The following HS3ST2 variants were observed in gnomAD, a reference collection of about 807,000 sequenced individuals.
HS3ST2 encodes heparan sulfate-glucosamine 3-sulfotransferase 2, also known as heparan sulfate glucosamine 3-O-sulfotransferase 2.
In HS3ST2, 17 loss-of-function variants were observed where a neutral mutation model predicts 26.3. The ratio of observed to expected loss-of-function variants is 0.65; its 90% CI spans 0.44 to 0.97. The LOEUF is 0.97. Ranked by LOEUF, HS3ST2 falls within the 50% of genes least tolerant of loss-of-function variation. HS3ST2 has a pLI of 0.00. For missense variants in HS3ST2, 402 were observed against 501.2 expected (o/e 0.80, Z 1.89); for synonymous variants, 237 against 219.2 (o/e 1.08, Z -0.72).
At chr16:22,884,933 C>T (rs1902040377) in intron 1 of HS3ST2, among the ~76,000 whole-genome samples, 1 of 151,450 alleles carries the variant, frequency 6.6e-6, no homozygotes, top group Admixed American at 6.6e-5. Context: ...CTCCACCTCC[C>T]CAATTCAAGC....
Position 22,814,819 on chromosome 16 carries a change from C to T in HS3ST2, c.209C>T (p.Ser70Phe). ...SAGGQKLLQKSRPCDPSGPTP... is the reference protein window; with the variant it reads ...SAGGQKLLQKFRPCDPSGPTP... ...GGCGGCCAGAAACTTCTCCAGAAGT[C>T]CCGCCCCTGTGATCCCTCCGGGCCG... The change falls in exon 1 of 2, where the codon TCC (serine) becomes TTC (phenylalanine). Residue 70 changes from serine (S) to phenylalanine (F), a missense_variant. Physicochemically the swap from Ser to Phe is radical, Grantham distance 155. Around this residue, in one of 2 missense-constraint regions of HS3ST2, gnomAD observed 165 missense variants for 154.6 expected, o/e 1.07. Transcript: ENST00000261374. 6.3e-7 allele frequency: 1 copy of T among 1,580,120 alleles called. No homozygotes were observed.
chr16:22,887,503 C>T (rs1469888266), intron 1 of HS3ST2, among the ~76,000 whole-genome samples: 1 of 152,206 alleles, frequency 6.6e-6, no homozygotes, highest in Non-Finnish European at 1.5e-5. Context: ...AAGACCTGAC[C>T]TTCACATATC....
chr16:22,841,583 C>A (rs1409511844), intron 1 of HS3ST2, among the ~76,000 whole-genome samples: 2 of 152,228 alleles, frequency 1.3e-5, no homozygotes, highest in East Asian at 3.8e-4. Flanking sequence ...CCTTAGCACA[C>A]TAATTCCTAT....
At chr16:22,899,008 G>A (rs76104618) in intron 1 of HS3ST2, among the ~76,000 whole-genome samples, 14,394 of 152,256 alleles carry the variant, frequency 0.095, 789 homozygotes, top group African/African-American at 0.14. Flanking sequence ...CCACTAGGGG[G>A]CGCTGCTATG....
At chr16:22,819,376 G>T (rs912347234) in intron 1 of HS3ST2, among the ~76,000 whole-genome samples, 10 of 152,068 alleles carry the variant, frequency 6.6e-5, no homozygotes, top group Non-Finnish European at 1.2e-4. Context: ...TCTTTAGGAT[G>T]CTCTCCATTC....
intron 1 of HS3ST2, among the ~76,000 whole-genome samples, chr16:22,904,882 G>T (rs1244680646): frequency 2.0e-5 from 3 of 152,224 alleles, no homozygotes; most frequent in Non-Finnish European, 4.4e-5. Flanking sequence ...GGAAGGAAAT[G>T]GTCCCACGGT....
At chr16:22,908,530 G>T (rs1176742049) in intron 1 of HS3ST2, among the ~76,000 whole-genome samples, 1 of 152,236 alleles carries the variant, frequency 6.6e-6, no homozygotes, top group Non-Finnish European at 1.5e-5. Context: ...AGGTCAAGAG[G>T]CTCCATCTGG....
chr16:22,885,545 T>G (rs1379560246), intron 1 of HS3ST2, among the ~76,000 whole-genome samples: 1 of 151,304 alleles, frequency 6.6e-6, no homozygotes, highest in Non-Finnish European at 1.5e-5. Flanking sequence ...AACCTCCGCC[T>G]CCTGGGTTCA....
chr16:22,913,481 A>G (rs909613460), intron 1 of HS3ST2, among the ~76,000 whole-genome samples: 1 of 152,176 alleles, frequency 6.6e-6, no homozygotes, highest in African/African-American at 2.4e-5. Flanking sequence ...GTTCAAGCCT[A>G]CACAAAGGAT....
intron 1 of HS3ST2, 60 bp from the exon 2 acceptor site, chr16:22,914,884 G>A: frequency 1.3e-6 from 2 of 1,531,628 alleles, no homozygotes; most frequent in Non-Finnish European, 1.8e-6. Context: ...TGATGTAGCT[G>A]GGCCTGAGGC....
intron 1 of HS3ST2, among the ~76,000 whole-genome samples, chr16:22,832,779 G>A (rs1901193221): frequency 6.6e-6 from 1 of 151,042 alleles, no homozygotes; most frequent in Admixed American, 6.6e-5. Flanking sequence ...CAGTGGAAGG[G>A]GTATCCCAGG....
intron 1 of HS3ST2, among the ~76,000 whole-genome samples, chr16:22,914,151 A>G (rs1902459703): frequency 1.3e-5 from 2 of 152,064 alleles, no homozygotes; most frequent in African/African-American, 4.8e-5. Context: ...CTTAAAAAAA[A>G]AAAAAGCAAT....
chr16:22,861,519 A>T (rs1901674100), intron 1 of HS3ST2, among the ~76,000 whole-genome samples: 1 of 151,954 alleles, frequency 6.6e-6, no homozygotes, highest in African/African-American at 2.4e-5. Flanking sequence ...CCCCAGGACC[A>T]GCCTTGGCCC....
At chr16:22,847,433 G>T (rs980295299) in intron 1 of HS3ST2, among the ~76,000 whole-genome samples, 2 of 152,060 alleles carry the variant, frequency 1.3e-5, no homozygotes, top group African/African-American at 4.8e-5. Context: ...GAGACATTTA[G>T]ATAAATATCA....
intron 1 of HS3ST2, among the ~76,000 whole-genome samples, chr16:22,816,068 G>A (rs1900863231): frequency 1.3e-5 from 2 of 152,160 alleles, no homozygotes; most frequent in Non-Finnish European, 2.9e-5. Flanking sequence ...CTGTGAGGTG[G>A]CAGCGTCCAC....
intron 1 of HS3ST2, among the ~76,000 whole-genome samples, chr16:22,900,232 G>A (rs2239337): frequency 1.3e-5 from 2 of 152,132 alleles, no homozygotes; most frequent in Non-Finnish European, 2.9e-5. Context: ...TGCCATGCAT[G>A]CTGTTTCGTG....
chr16:22,885,477 A>G (rs1013314510), intron 1 of HS3ST2, among the ~76,000 whole-genome samples: 16 of 150,506 alleles, frequency 1.1e-4, no homozygotes, highest in African/African-American at 3.9e-4. Flanking sequence ...TTTTTTTGAG[A>G]CAGAATCTCA....
chr16:22,835,253 T>C (rs1160559695), intron 1 of HS3ST2, among the ~76,000 whole-genome samples: 2 of 152,160 alleles, frequency 1.3e-5, no homozygotes, highest in African/African-American at 2.4e-5. Flanking sequence ...ATTCCCCTGT[T>C]ACTTCCCTCT....
At chr16:22,840,401 G>C (rs1178872905) in intron 1 of HS3ST2, among the ~76,000 whole-genome samples, 1 of 145,280 alleles carries the variant, frequency 6.9e-6, no homozygotes, top group Non-Finnish European at 1.5e-5. Context: ...TTTTTTTCTT[G>C]AGACAGAGTC....
Sources: allele counts gnomAD v4.1 joint callset (sites outside exome capture counted in the v4.1 genomes callset), GRCh38; gene constraint gnomAD v4.1.1; regional missense constraint gnomAD v4.1.1; transcripts MANE v1.5; gene names NCBI Gene and HGNC (gene_info 2026-07-23, HGNC 2026-07-21).